PSAP: variants seen among roughly 807,000 people sequenced by gnomAD.
The protein encoded by PSAP is prosaposin.
A neutral mutation model predicts 66.0 loss-of-function variants in PSAP; 25 were observed. The ratio of observed to expected loss-of-function variants is 0.38; its 90% confidence interval spans 0.28 to 0.53. PSAP has a LOEUF of 0.53. Ranked by LOEUF, PSAP falls within the 20% of genes least tolerant of loss-of-function variation. The pLI is 0.83. For missense variants in PSAP, 649 were observed against 668.8 expected, an observed-to-expected ratio of 0.97 and a Z score of 0.33; for synonymous variants, 273 against 258.9, an observed-to-expected ratio of 1.05 and a Z score of -0.52.
chr10:71,822,127 C>A, intron 7 of PSAP, 120 bp from the exon 8 acceptor site: 1 of 1,368,776 alleles, frequency 7.3e-7, no homozygotes, highest in East Asian at 2.4e-5. Context: ...GGCTACCTCC[C>A]TCTCCCCCTC....
rs1013573489 is a variant in PSAP at position 71,816,779 on chromosome 10, A to T, written c.*662T>A. On this transcript the variant is annotated 3_prime_UTR_variant, in exon 14 of 14. Coordinates refer to ENST00000394936, the MANE Select transcript of PSAP (RefSeq NM_002778.4). ...TTCCCACCCAAACCCACAGAACCCC[A>T]AACAAGGCATCACCAGGAAAGACAC... 4.5e-6 allele frequency: 1 copy of T among 221,334 alleles called. No individual in the cohort carries two copies. Among genetic ancestry groups the T allele is most frequent in the African/African-American group, 2.3e-5 (1 of 44,436 alleles). The allele number at this position is 221,334 out of a possible 1,614,324, so 13.7% of individuals were successfully genotyped here. A position where few individuals can be genotyped will look rare whatever the true frequency, so the allele number is the denominator to read the frequency against.
intron 3 of PSAP, 85 bp from the exon 4 acceptor site, chr10:71,831,336 T>C: frequency 6.4e-7 from 1 of 1,556,046 alleles, no homozygotes; most frequent in Non-Finnish European, 8.7e-7. Context: ...CCTCAATAGC[T>C]CCCAGAAAAA....
chr10:71,818,249 G>A (rs1422670440), intron 13 of PSAP, among the ~76,000 whole-genome samples: 2 of 152,212 alleles, frequency 1.3e-5, no homozygotes, highest in Non-Finnish European at 1.5e-5. Context: ...ACATGTTCCC[G>A]GGGGACAGGA....
At chr10:71,825,577 G>C (rs1480728656) in intron 7 of PSAP, 2 of 552,400 alleles carry the variant, frequency 3.6e-6, no homozygotes, top group South Asian at 1.7e-5. Context: ...TGGCTGGCCT[G>C]AACGGGCAGA....
At chr10:71,834,255 G>A (rs998565458) in intron 2 of PSAP, 117 bp downstream of exon 2, 1 of 1,513,574 alleles carries the variant, frequency 6.6e-7, no homozygotes, top group Non-Finnish European at 9.0e-7. Flanking sequence ...GTCACAGTGA[G>A]AAGTAAACAA....
Position 71,834,412 on chromosome 10 carries a change from A to G in PSAP, c.134T>C (p.Val45Ala). 6.2e-7 allele frequency: 1 copy of G among 1,614,014 alleles called. No homozygotes were observed. ...NVKTASDCGA[V>A]KHCLQTVWNK... ...CCAAACGGTCTGCAGGCAGTGCTTC[A>G]CTGCCCCGCAGTCGGACGCCGTCTT... The change falls in exon 2 of 14, where the codon GTG becomes GCG. Residue 45 changes from valine to alanine, a missense_variant. Physicochemically the swap from Val to Ala is moderately conservative, Grantham distance 64. Transcript: ENST00000394936.
intron 1 of PSAP, among the ~76,000 whole-genome samples, chr10:71,846,820 C>T (rs1200367464): frequency 1.3e-5 from 2 of 151,726 alleles, no homozygotes; most frequent in Non-Finnish European, 2.9e-5. Context: ...ATATCCAGAC[C>T]CTCCTTCCTG....
intron 4 of PSAP, among the ~76,000 whole-genome samples, chr10:71,829,897 C>G (rs1447545172): frequency 6.6e-6 from 1 of 152,072 alleles, no homozygotes; most frequent in Non-Finnish European, 1.5e-5. Flanking sequence ...ACTTGGGAGG[C>G]TGAGATGGGA....
At chr10:71,842,382 T>C (rs1408823740) in intron 1 of PSAP, among the ~76,000 whole-genome samples, 1 of 152,222 alleles carries the variant, frequency 6.6e-6, no homozygotes, top group African/African-American at 2.4e-5. Flanking sequence ...AATAAATATA[T>C]ATATGTTAAC....
chr10:71,846,710 C>A (rs1362701461), intron 1 of PSAP, among the ~76,000 whole-genome samples: 1 of 108,504 alleles, frequency 9.2e-6, no homozygotes, highest in African/African-American at 3.7e-5. Flanking sequence ...CCAGCCTGGG[C>A]AACAGAGTAA....
At position 71,828,508 on chromosome 10, in the gene PSAP, G is replaced by A. The variant is rs140103983; in HGVS notation, c.577-351C>T. Among the ~76,000 whole-genome samples the A allele has an allele frequency of 2.2e-3, 330 of 152,158 alleles. 1 individual carries two copies. Among genetic ancestry groups the A allele is most frequent in the Non-Finnish European group, 3.3e-3 (224 of 68,020 alleles). ...AAAAATACAAAAATTAGCCAGGTGT[G>A]GTGGTGTGCATTTGTACTCCCAGCT... On this transcript the variant is annotated intron_variant, in intron 5 of 13. Coordinates refer to ENST00000394936, the MANE Select transcript of PSAP (RefSeq NM_002778.4).
In PSAP at chr10:71,818,964, T is replaced by G. The variant is rs563198982; in HGVS notation, c.1431+67A>C. 78 of 1,463,988 alleles carry G rather than the reference T, an allele frequency of 5.3e-5. No individual in the cohort carries two copies. The African/African-American group carries it at 9.2e-4, about 17-fold the overall frequency. The allele number at this position is 1,463,988 out of a possible 1,614,324, so 90.7% of individuals were successfully genotyped here. A position where few individuals can be genotyped will look rare whatever the true frequency, so the allele number is the denominator to read the frequency against. On this transcript the variant is annotated intron_variant, in intron 12 of 13. Coordinates refer to ENST00000394936, the MANE Select transcript of PSAP (RefSeq NM_002778.4). Reference sequence around the variant, plus strand: ...CCACGGCCAAGTCTCAGAGCAACCCTTCCGGGTCTCTGCAGCCCCCCAGGT... The same window carrying G: ...CCACGGCCAAGTCTCAGAGCAACCCGTCCGGGTCTCTGCAGCCCCCCAGGT...
chr10:71,820,198 G>C lies in PSAP; in HGVS notation c.1005+42C>G, dbSNP rs111759923. On this transcript the variant is annotated intron_variant, in intron 9 of 13. Coordinates refer to ENST00000394936, the MANE Select transcript of PSAP (RefSeq NM_002778.4). ...TTCCCACTGGGACATTCAGGCTCGGGGGGGCAGGAGAGGCCCTCCCTCTGC... is the reference window on the plus strand; with the variant it reads ...TTCCCACTGGGACATTCAGGCTCGGCGGGGCAGGAGAGGCCCTCCCTCTGC... 2,308 of 1,534,274 alleles carry C rather than the reference G, an allele frequency of 1.5e-3. 20 individuals carry two copies. Among genetic ancestry groups the C allele is most frequent in the South Asian group, 0.01 (922 of 89,412 alleles).
At chr10:71,828,688 C>T (rs1164611140) in intron 5 of PSAP, among the ~76,000 whole-genome samples, 189 bp downstream of exon 5, 3 of 152,136 alleles carry the variant, frequency 2.0e-5, no homozygotes, top group Non-Finnish European at 2.9e-5. Flanking sequence ...TTAATCTTTG[C>T]ATATTTTAAA....
chr10:71,827,424 A>G (rs1333883253), intron 6 of PSAP, among the ~76,000 whole-genome samples: 1 of 146,586 alleles, frequency 6.8e-6, no homozygotes, highest in Non-Finnish European at 1.5e-5. Context: ...AAAAGAAAAG[A>G]AAAGAAAAAA....
intron 1 of PSAP, among the ~76,000 whole-genome samples, chr10:71,838,105 G>A (rs1564824160): frequency 6.6e-6 from 1 of 152,356 alleles, no homozygotes; most frequent in Middle Eastern, 3.4e-3. Context: ...AACTGAAGAG[G>A]AGGTGGGAGA....
chr10:71,838,928 A>T lies in PSAP; in HGVS notation c.41-4423T>A, dbSNP rs371320314. The stretch of plus-strand genomic sequence containing the variant: ...GGAGCTCCAAGTCTTCACTCTAACA[A>T]GGCAGATAACATTTTCAGCATTTAT... On this transcript the variant is annotated intron_variant, in intron 1 of 13. Transcript: ENST00000394936. 3.9e-5 allele frequency among the ~76,000 whole-genome samples: 6 copies of T among 152,320 alleles called. No homozygotes were observed. The South Asian group carries it at 1.2e-3, about 32-fold the overall frequency.
chr10:71,828,084 G>T lies in PSAP; in HGVS notation c.650C>A (p.Thr217Asn). 6.2e-7 allele frequency: 1 copy of T among 1,614,174 alleles called. No individual in the cohort carries two copies. The highest frequency in any genetic ancestry group is 8.5e-7 in the Non-Finnish European group (1 of 1,180,044). Reference protein sequence around the residue: ...DIQTAVRTNSTFVQALVEHVK... With the variant: ...DIQTAVRTNSNFVQALVEHVK... ...ATGTTCCACCAAGGCCTGGACAAAG[G>T]TGGAGTTGGTCCGTACAGCAGTCTG... Residue 217 changes from threonine to asparagine, a missense_variant, in exon 6 of 14, where the codon ACC becomes AAC. Thr to Asn is a moderately conservative substitution (Grantham distance 65). Coordinates refer to ENST00000394936, the MANE Select transcript of PSAP (RefSeq NM_002778.4).
chr10:71,818,528 T>G, intron 13 of PSAP, 89 bp downstream of exon 13: 1 of 1,134,698 alleles, frequency 8.8e-7, no homozygotes, highest in Non-Finnish European at 1.3e-6. Context: ...GGTGGAGAGT[T>G]GATCACTGGG....
Sources: gnomAD v4.1 joint callset for allele counts (sites outside exome capture counted in the v4.1 genomes callset) on GRCh38, gnomAD v4.1.1 for gene constraint, MANE v1.5 for transcripts, NCBI Gene and HGNC (gene_info 2026-07-23, HGNC 2026-07-21) for gene names.